The following AKAP6 variants were observed in gnomAD, a reference collection of about 807,000 sequenced individuals.
AKAP6 encodes A-kinase anchoring protein 6, also known as A-kinase anchor protein 6.
In AKAP6, 58 loss-of-function variants were observed where a neutral mutation model predicts 188.5. The ratio of observed to expected loss-of-function variants is 0.31; its 90% CI spans 0.25 to 0.38. The LOEUF (loss-of-function observed/expected upper bound fraction) is 0.38. Ranked by LOEUF, AKAP6 falls within the 10% of genes least tolerant of loss-of-function variation. The pLI is 1.00. For synonymous variants in AKAP6, 989 were observed against 998.6 expected (o/e 0.99, Z 0.18); for missense variants, 2,710 against 2,740.0 (o/e 0.99, Z 0.24).
chr14:32,739,673 C>T (rs542262440), intron 11 of AKAP6, among the ~76,000 whole-genome samples: 6 of 152,084 alleles, frequency 3.9e-5, no homozygotes, highest in East Asian at 3.9e-4. Context: ...ATCTCTGGTT[C>T]GGTCCATGTT....
intron 4 of AKAP6, among the ~76,000 whole-genome samples, chr14:32,560,235 T>C (rs1883891048): frequency 6.6e-6 from 1 of 152,166 alleles, no homozygotes; most frequent in African/African-American, 2.4e-5. Context: ...TTTGTGTATA[T>C]TTTATTTGTT....
chr14:32,375,478 A>G (rs1453523351), intron 1 of AKAP6, among the ~76,000 whole-genome samples: 1 of 150,446 alleles, frequency 6.6e-6, no homozygotes, highest in Non-Finnish European at 1.5e-5. Context: ...AGCTATCACT[A>G]AAGGAGAACA....
At chr14:32,430,770 AC>A (rs1216653348) in intron 1 of AKAP6, among the ~76,000 whole-genome samples, 2 of 151,880 alleles carry the variant, frequency 1.3e-5, no homozygotes, top group Non-Finnish European at 2.9e-5. Context: ...TTCTAAACTT[AC>A]CCCCAGAGGG....
At chr14:32,448,224 C>T (rs550902476) in intron 2 of AKAP6, among the ~76,000 whole-genome samples, 66 of 152,264 alleles carry the variant, frequency 4.3e-4, no homozygotes, top group African/African-American at 1.4e-3. Context: ...TCACTGTAAG[C>T]GGAGGGAACT....
chr14:32,425,929 A>G (rs1307987065), intron 1 of AKAP6, among the ~76,000 whole-genome samples: 1 of 152,158 alleles, frequency 6.6e-6, no homozygotes, highest in Admixed American at 6.5e-5. Context: ...GCCCATGCCT[A>G]TGTCCTGAAT....
chr14:32,617,909 G>A (rs1169468376), intron 7 of AKAP6, among the ~76,000 whole-genome samples: 4 of 152,164 alleles, frequency 2.6e-5, no homozygotes, highest in Non-Finnish European at 4.4e-5. Context: ...TTACAGGCAT[G>A]AGCCACCACA....
chr14:32,630,675 T>C (rs1343904653), intron 7 of AKAP6, among the ~76,000 whole-genome samples: 1 of 152,082 alleles, frequency 6.6e-6, no homozygotes, highest in Admixed American at 6.6e-5. Context: ...AAAGGGTAGG[T>C]AAGCCCTTCT....
At chr14:32,516,088 C>T (rs570031170) in intron 2 of AKAP6, among the ~76,000 whole-genome samples, 25 of 152,310 alleles carry the variant, frequency 1.6e-4, no homozygotes, top group African/African-American at 6.0e-4. Flanking sequence ...GAGTGCTTCA[C>T]CTGGCATACC....
At chr14:32,606,684 G>A (rs557512822) in intron 7 of AKAP6, among the ~76,000 whole-genome samples, 1,717 of 140,160 alleles carry the variant, frequency 0.012, 12 homozygotes, top group Non-Finnish European at 0.018. Flanking sequence ...AGTGAAAGGA[G>A]ACAGAGAGTT....
intron 1 of AKAP6, among the ~76,000 whole-genome samples, chr14:32,346,306 GA>G (rs1277714248): frequency 2.0e-5 from 3 of 152,210 alleles, no homozygotes; most frequent in East Asian, 1.9e-4. Flanking sequence ...AAGATGGAGA[GA>G]AATGTAGCAC....
At position 32,786,296 on chromosome 14, in the gene AKAP6, A is replaced by ATGTTTTTTTTTTTTTGTTTTTTTTTTT; in HGVS notation, c.3588+12404_3588+12405insGTTTTTTTTTTTTTGTTTTTTTTTTTT. Among the ~76,000 whole-genome samples, 20 of 93,714 alleles carry ATGTTTTTTTTTTTTTGTTTTTTTTTTT rather than the reference A, an allele frequency of 2.1e-4. 1 individual carries two copies. Among genetic ancestry groups the ATGTTTTTTTTTTTTTGTTTTTTTTTTT allele is most frequent in the African/African-American group, 4.9e-4 (12 of 24,388 alleles). 61.5% of individuals were successfully genotyped at this position (93,714 alleles called of 152,430 possible). A position where few individuals can be genotyped will look rare whatever the true frequency, so the allele number is the denominator to read the frequency against. On this transcript the variant is annotated intron_variant, in intron 12 of 13. Transcript: ENST00000280979. Reference sequence around the variant, plus strand: ...AGCCCTCTGAAAGACCTAAACCTTTATCTTTTTTTTTTTTTTTTTTTTTTT... The same window carrying ATGTTTTTTTTTTTTTGTTTTTTTTTTT: ...AGCCCTCTGAAAGACCTAAACCTTTATGTTTTTTTTTTTTTGTTTTTTTTTTTTCTTTTTTTTTTTTTTTTTTTTTTT...
At chr14:32,683,051 T>G (rs963065386) in intron 8 of AKAP6, among the ~76,000 whole-genome samples, 2 of 151,684 alleles carry the variant, frequency 1.3e-5, no homozygotes, top group Non-Finnish European at 2.9e-5. Context: ...TGGAGTGCAG[T>G]GGCGTGATCT....
chr14:32,366,824 A>G (rs1274587388), intron 1 of AKAP6, among the ~76,000 whole-genome samples: 1 of 152,116 alleles, frequency 6.6e-6, no homozygotes, highest in Non-Finnish European at 1.5e-5. Context: ...GTGAAAATTG[A>G]GGTGTTCAAA....
intron 9 of AKAP6, 34 bp downstream of exon 9, chr14:32,696,144 T>C (rs749579177): frequency 6.4e-7 from 1 of 1,574,758 alleles, no homozygotes; most frequent in Non-Finnish European, 8.6e-7. Context: ...TACCTTGCTG[T>C]GGAAGATCTG....
intron 8 of AKAP6, among the ~76,000 whole-genome samples, chr14:32,692,282 G>C (rs1358404405): frequency 6.6e-6 from 1 of 152,116 alleles, no homozygotes; most frequent in Non-Finnish European, 1.5e-5. Flanking sequence ...CAGTTCAATA[G>C]ATATAAATGC....
intron 9 of AKAP6, among the ~76,000 whole-genome samples, chr14:32,716,951 T>C (rs185928018): frequency 1.3e-5 from 2 of 152,240 alleles, no homozygotes; most frequent in East Asian, 3.9e-4. Flanking sequence ...TTCTTACAAG[T>C]ATGATCTATT....
chr14:32,696,156 T>C (rs768317069), intron 9 of AKAP6, 46 bp downstream of exon 9: 17 of 1,565,340 alleles, frequency 1.1e-5, no homozygotes, highest in Non-Finnish European at 1.5e-5. Flanking sequence ...GAAGATCTGA[T>C]TAGCCTGACA....
chr14:32,387,433 A>G (rs1888568487), intron 1 of AKAP6, among the ~76,000 whole-genome samples: 1 of 150,386 alleles, frequency 6.6e-6, no homozygotes, highest in East Asian at 1.9e-4. Flanking sequence ...TGGGTTTGTC[A>G]TCGATGGCTT....
At chr14:32,734,995 A>AT (rs1431730879) in intron 10 of AKAP6, among the ~76,000 whole-genome samples, 1 of 152,134 alleles carries the variant, frequency 6.6e-6, no homozygotes, top group African/African-American at 2.4e-5. Flanking sequence ...AGTGTAGTGA[A>AT]TTGGGGATTA....
Sources: allele counts gnomAD v4.1 joint callset (sites outside exome capture counted in the v4.1 genomes callset), GRCh38; gene constraint gnomAD v4.1.1; transcripts MANE v1.5; gene names NCBI Gene and HGNC (gene_info 2026-07-23, HGNC 2026-07-21).